MBP: variants seen among roughly 807,000 people sequenced by gnomAD.
MBP encodes the protein myelin basic protein, also known as Golli-MBP.
A neutral mutation model predicts 35.8 loss-of-function variants in MBP; 16 were observed. The observed-to-expected ratio is 0.45, with a 90% confidence interval of 0.30 to 0.68. MBP has a LOEUF of 0.68. MBP is among the 30% of genes least tolerant of loss of function. MBP has a pLI of 0.08. For synonymous variants in MBP, 143 were observed against 159.6 expected, an observed-to-expected ratio of 0.90 and a Z score of 0.78; for missense variants, 380 against 404.7, an observed-to-expected ratio of 0.94 and a Z score of 0.52.
In MBP at chr18:77,100,553, G is replaced by GTT. The variant is rs1291781559; in HGVS notation, c.51+4656_51+4657dup. Among the ~76,000 whole-genome samples the GTT allele has an allele frequency of 9.7e-5, 12 of 123,828 alleles. No individual in the cohort carries two copies. The East Asian group carries it at 1.3e-3, about 13-fold the overall frequency. The allele number at this position is 123,828 out of a possible 152,430, so 81.2% of individuals were successfully genotyped here. ...TGTGTGTGTGTGTGTGTGTTTTGTG[G>GTT]TTTTTTCTTTTTTTTGAGACAGGGT... On this transcript the variant is annotated intron_variant, in intron 2 of 8. Coordinates refer to ENST00000355994, the MANE Select transcript of MBP (RefSeq NM_001025101.2).
intron 2 of MBP, among the ~76,000 whole-genome samples, chr18:77,099,242 G>A (rs1975899706): frequency 6.6e-6 from 1 of 152,192 alleles, no homozygotes; most frequent in Non-Finnish European, 1.5e-5. Flanking sequence ...TGTTCTGCCT[G>A]GCTATAGATG....
intron 7 of MBP, chr18:76,985,592 C>G: frequency 1.8e-6 from 2 of 1,081,546 alleles, no homozygotes; most frequent in Non-Finnish European, 2.3e-6. Flanking sequence ...GCTGCTGAGC[C>G]GGACAGAGGG....
intron 3 of MBP, among the ~76,000 whole-genome samples, chr18:77,050,951 A>C (rs1973464585): frequency 1.3e-5 from 2 of 150,064 alleles, no homozygotes; most frequent in South Asian, 4.2e-4. Flanking sequence ...AGTTCCAGTC[A>C]TGGGGACCAC....
chr18:77,112,169 G>GCGCACACACACA lies in MBP; in HGVS notation c.-25-6884_-25-6883insTGTGTGTGTGCG, dbSNP rs370587502. On this transcript the variant is annotated intron_variant, in intron 1 of 8. Transcript: ENST00000355994. ...CCCGTAGAATGAACACCGTGCACAC[G>GCGCACACACACA]CACACACACACACACACACACGTGC... 3.6e-3 allele frequency among the ~76,000 whole-genome samples: 548 copies of GCGCACACACACA among 150,992 alleles called. 2 individuals carry two copies. Among genetic ancestry groups the GCGCACACACACA allele is most frequent in the Middle Eastern group, 6.9e-3 (2 of 290 alleles).
In MBP at chr18:77,044,154, C is replaced by T. The variant is rs1340013110; in HGVS notation, c.139+22144G>A. On this transcript the variant is annotated intron_variant, in intron 3 of 8. Transcript: ENST00000355994. The surrounding 1 kb of genome is among the most constrained non-coding windows in gnomAD (Gnocchi z 4.4). ...GGCTGGTCTGCAGAGGTCGAATGCA[C>T]TCCCTGGTGACTTACACATCTCACA... 1.3e-5 allele frequency among the ~76,000 whole-genome samples: 2 copies of T among 152,178 alleles called. No homozygotes were observed. Among genetic ancestry groups the T allele is most frequent in the Non-Finnish European group, 2.9e-5 (2 of 68,026 alleles).
intron 3 of MBP, among the ~76,000 whole-genome samples, chr18:77,029,724 C>T (rs1972468875): frequency 6.6e-6 from 1 of 152,014 alleles, no homozygotes; most frequent in African/African-American, 2.4e-5. Flanking sequence ...AGGTTTAAAG[C>T]CCAGAGTACA....
chr18:77,011,575 A>T (rs1599058425), intron 4 of MBP, among the ~76,000 whole-genome samples: 1 of 152,232 alleles, frequency 6.6e-6, no homozygotes, highest in Middle Eastern at 3.4e-3. Context: ...AGGAAATGCA[A>T]CCTGTAACCC....
intron 8 of MBP, 78 bp downstream of exon 8, chr18:76,984,697 A>G (rs1316506386): frequency 1.3e-6 from 2 of 1,598,792 alleles, no homozygotes; most frequent in Admixed American, 3.4e-5. Flanking sequence ...GGCGGCAGCC[A>G]CCCTTGTACT....
At chr18:77,031,437 A>C (rs916383929) in intron 3 of MBP, among the ~76,000 whole-genome samples, 3 of 152,200 alleles carry the variant, frequency 2.0e-5, no homozygotes, top group Admixed American at 6.5e-5. Flanking sequence ...CTACAAGCGC[A>C]GATTTCAGGA....
chr18:77,066,796 G>A (rs1226832677), intron 2 of MBP, among the ~76,000 whole-genome samples: 1 of 152,252 alleles, frequency 6.6e-6, no homozygotes, highest in Non-Finnish European at 1.5e-5. Context: ...ACTGGAACCA[G>A]TCAGGACCAC....
chr18:77,029,316 C>T (rs1047425042), intron 3 of MBP, among the ~76,000 whole-genome samples: 1 of 149,746 alleles, frequency 6.7e-6, no homozygotes, highest in African/African-American at 2.5e-5. Flanking sequence ...CAGGCTGAGG[C>T]AGGAGAATCA....
At chr18:76,980,593 G>C in intron 8 of MBP, 122 bp from the exon 9 acceptor site, 2 of 735,128 alleles carry the variant, frequency 2.7e-6, no homozygotes, top group Non-Finnish European at 2.4e-6. Flanking sequence ...TCTGCTAATA[G>C]AAATGGCACC....
At chr18:77,047,907 T>C (rs770674165) in intron 3 of MBP, among the ~76,000 whole-genome samples, 1 of 152,232 alleles carries the variant, frequency 6.6e-6, no homozygotes, top group Non-Finnish European at 1.5e-5. Flanking sequence ...TCTATTAATC[T>C]TCAGAGGGAA....
In MBP at chr18:77,066,280, G is replaced by A. The variant is rs1391873320; in HGVS notation, c.139+18C>T. On this transcript the variant is annotated intron_variant, in intron 3 of 8. Coordinates refer to ENST00000355994, the MANE Select transcript of MBP (RefSeq NM_001025101.2). ...TGTCACCATGTGGCGCCATGTTGCC[G>A]ATATCTGCGTCACCTACCGAACACT... 6.9e-6 allele frequency: 11 copies of A among 1,598,840 alleles called. No individual in the cohort carries two copies. The highest frequency in any genetic ancestry group is 4.0e-5 in the African/African-American group (3 of 74,384).
chr18:77,021,576 C>T lies in MBP; in HGVS notation c.140-4308G>A, dbSNP rs188597506. ...TCAGCTCACCGCAACCTCCGCCTCC[C>T]GGGTTCACGCCATTCTCCTGCGTCA... On this transcript the variant is annotated intron_variant, in intron 3 of 8. Transcript: ENST00000355994. 2.0e-3 allele frequency among the ~76,000 whole-genome samples: 298 copies of T among 151,498 alleles called. 1 individual carries two copies. The highest frequency in any genetic ancestry group is 6.6e-3 in the African/African-American group (272 of 41,254).
chr18:77,022,869 G>A (rs549237944), intron 3 of MBP, among the ~76,000 whole-genome samples: 1 of 152,304 alleles, frequency 6.6e-6, no homozygotes, highest in South Asian at 2.1e-4. Context: ...TTTTTGGTAG[G>A]GGCGAGTGCA....
At chr18:77,091,975 T>C (rs1372596722) in intron 2 of MBP, among the ~76,000 whole-genome samples, 1 of 152,226 alleles carries the variant, frequency 6.6e-6, no homozygotes, top group African/African-American at 2.4e-5. Context: ...TAAAACCAGA[T>C]TGCCGAAGAT....
rs2095174594 is a variant in MBP, at chr18:77,017,011, C to T, written c.397G>A (p.Val133Met). ...DSAATSESLD[V>M]MASQKRPSQR... ...GAGGGTCTCTTCTGTGACGCCATCA[C>T]ATCCAGGCTCTCGGAGGTGGCTGCA... Residue 133 changes from valine to methionine, a missense_variant, in exon 4 of 9, where the codon GTG (valine) becomes ATG (methionine). Val to Met is a conservative substitution (Grantham distance 21, BLOSUM62 1). Transcript: ENST00000355994. 5 of 1,614,118 alleles carry T rather than the reference C, an allele frequency of 3.1e-6. No individual in the cohort carries two copies. Among genetic ancestry groups the T allele is most frequent in the Non-Finnish European group, 4.2e-6 (5 of 1,180,012 alleles).
intron 3 of MBP, among the ~76,000 whole-genome samples, chr18:77,021,587 CA>C (rs1971989513): frequency 6.6e-6 from 1 of 151,402 alleles, no homozygotes; most frequent in Non-Finnish European, 1.5e-5. Flanking sequence ...GGGTTCACGC[CA>C]TTCTCCTGCG....
Sources: allele counts gnomAD v4.1 joint callset (sites outside exome capture counted in the v4.1 genomes callset), GRCh38; gene constraint gnomAD v4.1.1; non-coding constraint Gnocchi (gnomAD v3.1); transcripts MANE v1.5; gene names NCBI Gene and HGNC (gene_info 2026-07-23, HGNC 2026-07-21).